Variants in COL9A1 observed in about 807,000 individuals in gnomAD.
COL9A1 encodes collagen type IX alpha 1 chain.
COL9A1 carries 104 observed loss-of-function variants against 142.6 expected under a neutral mutation model. That is an observed-to-expected ratio of 0.73 (90% CI 0.62 to 0.86). The LOEUF is 0.86. COL9A1 is among the 40% of genes least tolerant of loss of function. COL9A1 has a pLI of 0.00. For missense variants in COL9A1, 1,210 were observed against 1,176.6 expected (o/e 1.03, Z -0.42); for synonymous variants, 466 against 396.0 (o/e 1.18, Z -2.10).
chr6:70,234,670 C>CTCTG, intron 34 of COL9A1, 77 bp from the exon 35 acceptor site: 1 of 1,605,582 alleles, frequency 6.2e-7, no homozygotes, highest in Admixed American at 1.7e-5. Flanking sequence ...AACTGACAGA[C>CTCTG]TCTGCAAGGA....
intron 5 of COL9A1, among the ~76,000 whole-genome samples, chr6:70,290,414 A>T (rs745399381): frequency 1.6e-4 from 25 of 152,114 alleles, no homozygotes; most frequent in Admixed American, 6.6e-4. Context: ...CAAACTAACA[A>T]CATATTACAG....
At position 70,302,066 on chromosome 6, in the gene COL9A1, G is replaced by A. The variant is rs1485709969; in HGVS notation, c.23C>T (p.Pro8Leu). The A allele has an allele frequency of 1.2e-6, 2 of 1,610,182 alleles. No homozygotes were observed. Among genetic ancestry groups the A allele is most frequent in the Non-Finnish European group, 1.7e-6 (2 of 1,178,300 alleles). The change falls in exon 2 of 38, where the codon CCA becomes CTA. Residue 8 changes from proline (P) to leucine (L), a missense_variant. Coordinates refer to ENST00000357250, the MANE Select transcript of COL9A1 (RefSeq NM_001851.6). MKTCWKI[P>L]VFFFVCSFLE... ...GAAACTGCACACAAAGAAGAAAACT[G>A]GAATTTTCCTGAAGAAGAGAGAAGA...
At chr6:70,235,565 C>T (rs548667250) in intron 33 of COL9A1, among the ~76,000 whole-genome samples, 1 of 152,154 alleles carries the variant, frequency 6.6e-6, no homozygotes, top group South Asian at 2.1e-4. Context: ...CTTTAAGCCA[C>T]TCTCTAAGAG....
intron 37 of COL9A1, among the ~76,000 whole-genome samples, chr6:70,217,982 A>C (rs1168195719): frequency 1.3e-5 from 2 of 152,090 alleles, no homozygotes; most frequent in African/African-American, 4.8e-5. Context: ...TTCTACTAAA[A>C]ATACAAAAAA....
chr6:70,236,441 A>G (rs1769915768), intron 33 of COL9A1, among the ~76,000 whole-genome samples: 1 of 152,246 alleles, frequency 6.6e-6, no homozygotes, highest in Non-Finnish European at 1.5e-5. Context: ...GAATGAGAAG[A>G]TAAAAGAACA....
rs1336985133 is a variant in COL9A1, at chr6:70,263,231, A to G, written c.1395+13T>C. The G allele has an allele frequency of 2.5e-6, 4 of 1,586,718 alleles. No homozygotes were observed. In the African/African-American group the frequency reaches 4.1e-5, roughly 16 times the overall value. Reference sequence around the variant, plus strand: ...ACATATCCTAGTTAAATATTTTTTAAAAAATACTTTACTGGAGGTCCTTGA... The same window carrying G: ...ACATATCCTAGTTAAATATTTTTTAGAAAATACTTTACTGGAGGTCCTTGA... On this transcript the variant is annotated intron_variant, in intron 19 of 37. Coordinates refer to ENST00000357250, the MANE Select transcript of COL9A1 (RefSeq NM_001851.6).
intron 37 of COL9A1, among the ~76,000 whole-genome samples, chr6:70,222,056 A>G (rs1768911827): frequency 6.6e-6 from 1 of 152,200 alleles, no homozygotes; most frequent in Non-Finnish European, 1.5e-5. Context: ...CCAGCCAATC[A>G]TTCTGTCCAC....
chr6:70,295,484 C>T (rs547382290), intron 4 of COL9A1, among the ~76,000 whole-genome samples: 106 of 151,654 alleles, frequency 7.0e-4, no homozygotes, highest in African/African-American at 2.3e-3. Context: ...GATGGTGTTT[C>T]GCCATGTCAG....
intron 4 of COL9A1, among the ~76,000 whole-genome samples, chr6:70,295,105 A>T (rs993888414): frequency 6.6e-6 from 1 of 152,096 alleles, no homozygotes; most frequent in Non-Finnish European, 1.5e-5. Context: ...TCCCAGACCC[A>T]TATAAGTATT....
chr6:70,261,733 T>C (rs1008316407), intron 19 of COL9A1, among the ~76,000 whole-genome samples: 2 of 152,344 alleles, frequency 1.3e-5, no homozygotes, highest in Non-Finnish European at 2.9e-5. Context: ...AAGCTGCTCT[T>C]TCTTGTGTAG....
At position 70,234,842 on chromosome 6, in the gene COL9A1, C is replaced by A; in HGVS notation, c.2211G>T (p.Val737=). 1 of 1,614,060 alleles carries A rather than the reference C, an allele frequency of 6.2e-7. No individual in the cohort carries two copies. Among genetic ancestry groups the A allele is most frequent in the Non-Finnish European group, 8.5e-7 (1 of 1,179,994 alleles). The change falls in exon 34 of 38, where the codon GTG becomes GTT. Residue 737 remains valine (V), a synonymous_variant. Coordinates refer to ENST00000357250, the MANE Select transcript of COL9A1 (RefSeq NM_001851.6). ...GPRGPPGPRG[V]QGEQGATGLP... ...GGCCGGTGGCACCCTGTTCTCCCTG[C>A]ACACCCCGGGGTCCAGGTGGTCCTC... is the stretch of plus-strand genomic sequence containing the variant.
At chr6:70,218,357 G>C (rs755105909) in intron 37 of COL9A1, among the ~76,000 whole-genome samples, 2 of 152,146 alleles carry the variant, frequency 1.3e-5, no homozygotes, top group Non-Finnish European at 2.9e-5. Flanking sequence ...TCCTTTTGTC[G>C]TGTTTAAGGG....
At position 70,283,798 on chromosome 6, in the gene COL9A1, A is replaced by T. The variant is rs1405120798; in HGVS notation, c.719T>A (p.Ile240Asn). The T allele has an allele frequency of 6.2e-7, 1 of 1,609,430 alleles. No individual in the cohort carries two copies. Among genetic ancestry groups the T allele is most frequent in the Non-Finnish European group, 8.5e-7 (1 of 1,177,974 alleles). ...SVPFELQWML[I>N]HCDPLRPRRE... ...CCTGGGCCGCAGGGGGTCACAATGGATCAGCATCCATTGAAGTTCAAACTG... is the reference window on the plus strand; with the variant it reads ...CCTGGGCCGCAGGGGGTCACAATGGTTCAGCATCCATTGAAGTTCAAACTG... The change falls in exon 6 of 38, where the codon ATC (isoleucine) becomes AAC (asparagine). Residue 240 changes from isoleucine (I) to asparagine (N), a missense_variant. Ile to Asn is a moderately radical substitution (Grantham distance 149). Transcript: ENST00000357250.
At chr6:70,296,864 G>C (rs1419770518) in intron 4 of COL9A1, among the ~76,000 whole-genome samples, 1 of 152,058 alleles carries the variant, frequency 6.6e-6, no homozygotes, top group Non-Finnish European at 1.5e-5. Context: ...GATAGTTATT[G>C]TTGAAGCATG....
rs780894021 is a variant in COL9A1, at chr6:70,270,327, G to A, written c.1184C>T (p.Pro395Leu). ...CAAATAACTTACTCTGGGTCCTGGG[G>A]GGCCAGGGGGGCCAGGTGGTCCTCT... Reference protein sequence around the residue: ...GRRGPPGPPGPPGPRGTIGFH... With the variant: ...GRRGPPGPPGLPGPRGTIGFH... Residue 395 changes from proline (P) to leucine (L), a missense_variant, in exon 15 of 38, where the codon CCC (proline) becomes CTC (leucine). Pro to Leu is a moderately conservative substitution (Grantham distance 98, BLOSUM62 -3). Coordinates refer to ENST00000357250, the MANE Select transcript of COL9A1 (RefSeq NM_001851.6). The A allele has an allele frequency of 5.0e-6, 8 of 1,613,318 alleles. No individual in the cohort carries two copies. In the African/African-American group the frequency reaches 6.7e-5, roughly 13 times the overall value.
chr6:70,241,751 A>G (rs982550224), intron 30 of COL9A1, among the ~76,000 whole-genome samples: 36 of 152,168 alleles, frequency 2.4e-4, no homozygotes, highest in African/African-American at 7.7e-4. Context: ...GGACATTTTT[A>G]CTTTTCTCAG....
rs760517513 is a variant in COL9A1, at chr6:70,281,381, G to A, written c.876+9C>T. On this transcript the variant is annotated intron_variant, in intron 8 of 37. Transcript: ENST00000357250. ...GGGGAACAGAGGTGGCCTGGAGATA[G>A]AAACTTACGTCGATGCCATCGATGC... 1 of 1,612,648 alleles carries A rather than the reference G, an allele frequency of 6.2e-7. No individual in the cohort carries two copies. Among genetic ancestry groups the A allele is most frequent in the East Asian group, 2.2e-5 (1 of 44,762 alleles).
chr6:70,281,075 G>C (rs1391958448), intron 8 of COL9A1, 36 bp from the exon 9 acceptor site: 3 of 1,579,774 alleles, frequency 1.9e-6, no homozygotes, highest in African/African-American at 1.4e-5. Flanking sequence ...AGCAGTCTAT[G>C]AGCGGGATAG....
chr6:70,280,916 G>C, intron 9 of COL9A1, 42 bp from the exon 10 acceptor site: 1 of 1,613,378 alleles, frequency 6.2e-7, no homozygotes, highest in Non-Finnish European at 8.5e-7. Flanking sequence ...AGAGAAAAAG[G>C]TGCAAAGTTG....
Sources: allele counts gnomAD v4.1 joint callset (sites outside exome capture counted in the v4.1 genomes callset), GRCh38; gene constraint gnomAD v4.1.1; transcripts MANE v1.5; gene names NCBI Gene and HGNC (gene_info 2026-07-23, HGNC 2026-07-21).